The following LIN54 variants were observed in gnomAD, a reference collection of about 807,000 sequenced individuals.
LIN54 encodes protein lin-54 homolog.
In LIN54, 9 loss-of-function variants were observed where a neutral mutation model predicts 78.7. The observed-to-expected ratio is 0.11, with a 90% CI of 0.07 to 0.20. The LOEUF is 0.20. LIN54 is among the 10% of genes least tolerant of loss of function. LIN54 has a pLI of 1.00. For synonymous variants in LIN54, 269 were observed against 318.4 expected (o/e 0.84, Z 1.65); for missense variants, 573 against 889.9 (o/e 0.64, Z 4.53).
intron 4 of LIN54, among the ~76,000 whole-genome samples, chr4:82,954,374 T>G (rs920612240): frequency 3.3e-5 from 5 of 151,326 alleles, no homozygotes; most frequent in Non-Finnish European, 7.4e-5. Context: ...TATGAATAAT[T>G]TTTAAAAATA....
At chr4:83,011,294 C>G (rs1325981516), upstream of LIN54, among the ~76,000 whole-genome samples, 1 of 152,220 alleles carries the variant, frequency 6.6e-6, no homozygotes, top group Non-Finnish European at 1.5e-5. Flanking sequence ...CGACCTTTGA[C>G]ACCTTTGTCA....
At chr4:82,935,508 G>A (rs6848366) in intron 11 of LIN54, among the ~76,000 whole-genome samples, 79,867 of 151,178 alleles carry the variant, frequency 0.53, 22,869 homozygotes, top group East Asian at 0.78. Flanking sequence ...GGCAGGTCTC[G>A]AACTCCTGAC....
At chr4:82,962,665 A>G (rs978470621) in intron 4 of LIN54, among the ~76,000 whole-genome samples, 1 of 151,948 alleles carries the variant, frequency 6.6e-6, no homozygotes, top group Non-Finnish European at 1.5e-5. Context: ...CCAAATGAAA[A>G]TGCTAGAAAT....
rs994537385 is a variant in LIN54, at chr4:82,927,148, C to G, written c.*954G>C. 1.6e-5 allele frequency: 1 copy of G among 62,490 alleles called. No homozygotes were observed. The highest frequency in any genetic ancestry group is 3.3e-5 in the Non-Finnish European group (1 of 30,030). 3.9% of individuals were successfully genotyped at this position (62,490 alleles called of 1,614,324 possible). On this transcript the variant is annotated 3_prime_UTR_variant, in exon 13 of 13. Coordinates refer to ENST00000340417, the MANE Select transcript of LIN54 (RefSeq NM_194282.4). The stretch of plus-strand genomic sequence containing the variant: ...TGGGCTACACAGCGAGACTCCGTCT[C>G]AAAAAAAAAAAAAAAAAAGTCTGTA...
intron 4 of LIN54, among the ~76,000 whole-genome samples, chr4:82,954,710 A>G (rs944950101): frequency 7.2e-5 from 11 of 152,214 alleles, no homozygotes; most frequent in Non-Finnish European, 1.5e-4. Context: ...AAAACAGACC[A>G]CACCCAACAC....
Position 82,935,975 on chromosome 4 carries a change from T to C in LIN54, c.1845+6A>G, listed in dbSNP as rs1560719115. On this transcript the variant is annotated splice_donor_region_variant and intron_variant, in intron 11 of 12. Transcript: ENST00000340417. Reference sequence around the variant, plus strand: ...AAGATATTATTTTCCGCACCCAGCATCTCACCTCATAGCATTCACAGTAGT... The same window carrying C: ...AAGATATTATTTTCCGCACCCAGCACCTCACCTCATAGCATTCACAGTAGT... 3 of 1,613,736 alleles carry C rather than the reference T, an allele frequency of 1.9e-6. No homozygotes were observed. The highest frequency in any genetic ancestry group is 2.5e-6 in the Non-Finnish European group (3 of 1,179,634).
At chr4:82,951,538 G>A (rs906172826) in intron 4 of LIN54, among the ~76,000 whole-genome samples, 17 of 152,038 alleles carry the variant, frequency 1.1e-4, no homozygotes, top group African/African-American at 3.9e-4. Context: ...AAATAAAATA[G>A]TATGGGATTA....
In LIN54 at chr4:83,008,582, G is replaced by A. The variant is rs918874280; in HGVS notation, c.-33+1902C>T. ...CAGGAGAATGGCGTGAACCCAGGAC[G>A]CGGAGCTTGCAGGGAGCCAAGATCG... On this transcript the variant is annotated intron_variant, in intron 1 of 12. Coordinates refer to ENST00000340417, the MANE Select transcript of LIN54 (RefSeq NM_194282.4). Among the ~76,000 whole-genome samples, 14 of 152,328 alleles carry A rather than the reference G, an allele frequency of 9.2e-5. No individual in the cohort carries two copies. The East Asian group carries it at 1.2e-3, about 13-fold the overall frequency.
intron 3 of LIN54, among the ~76,000 whole-genome samples, chr4:82,977,151 T>G (rs1473007410): frequency 8.5e-5 from 13 of 152,160 alleles, no homozygotes; most frequent in Non-Finnish European, 1.0e-4. Flanking sequence ...CTCCTTCCCA[T>G]TAACTAAAAC....
At chr4:83,005,591 C>T (rs1371789664) in intron 1 of LIN54, among the ~76,000 whole-genome samples, 8 of 149,706 alleles carry the variant, frequency 5.3e-5, no homozygotes, top group African/African-American at 2.0e-4. Flanking sequence ...TGCCACTGCA[C>T]TCCAGCCTCA....
At chr4:82,988,915 G>A (rs1042141882) in intron 1 of LIN54, among the ~76,000 whole-genome samples, 10 of 151,962 alleles carry the variant, frequency 6.6e-5, no homozygotes, top group East Asian at 1.9e-4. Flanking sequence ...TTGGCCGGGC[G>A]CGGTGTCTTA....
At chr4:82,967,676 G>C (rs377317494) in intron 4 of LIN54, among the ~76,000 whole-genome samples, 1 of 152,162 alleles carries the variant, frequency 6.6e-6, no homozygotes. Flanking sequence ...CAGGGAACTT[G>C]GCAATGTGGC....
intron 4 of LIN54, among the ~76,000 whole-genome samples, chr4:82,952,815 A>G (rs1723950138): frequency 6.6e-6 from 1 of 152,214 alleles, no homozygotes; most frequent in Admixed American, 6.5e-5. Context: ...TATATGCTAT[A>G]ACACCAATGG....
intron 4 of LIN54, among the ~76,000 whole-genome samples, chr4:82,968,010 T>TAA (rs1725348130): frequency 6.6e-6 from 1 of 152,108 alleles, no homozygotes; most frequent in Non-Finnish European, 1.5e-5. Flanking sequence ...CCTGTGAATT[T>TAA]TAATAACCAA....
intron 1 of LIN54, among the ~76,000 whole-genome samples, chr4:82,999,073 T>A (rs1728510549): frequency 6.6e-6 from 1 of 152,212 alleles, no homozygotes; most frequent in African/African-American, 2.4e-5. Context: ...TGAGCTCAAG[T>A]GTTGCCACTA....
At position 82,984,333 on chromosome 4, in the gene LIN54, G is replaced by A; in HGVS notation, c.512C>T (p.Ala171Val). 1 of 1,614,126 alleles carries A rather than the reference G, an allele frequency of 6.2e-7. No individual in the cohort carries two copies. Among genetic ancestry groups the A allele is most frequent in the Non-Finnish European group, 8.5e-7 (1 of 1,180,020 alleles). The change falls in exon 2 of 13, where the codon GCC becomes GTC. Residue 171 changes from alanine to valine, a missense_variant. Around this residue, in one of 6 missense-constraint regions of LIN54, gnomAD observed 183 missense variants for 228.4 expected, o/e 0.80. Coordinates refer to ENST00000340417, the MANE Select transcript of LIN54 (RefSeq NM_194282.4). Reference protein sequence around the residue: ...LPQAQKVTTQAQSGDAKLPPQ... With the variant: ...LPQAQKVTTQVQSGDAKLPPQ... ...TGGTAACTTAGCATCTCCTGACTGG[G>A]CCTGAGTTGTAACTTTCTGAGCCTG...
intron 6 of LIN54, 57 bp from the exon 7 acceptor site, chr4:82,939,793 T>C: frequency 6.3e-7 from 1 of 1,591,900 alleles, no homozygotes; most frequent in Non-Finnish European, 8.6e-7. Flanking sequence ...GCTGTTCAAT[T>C]CAGTATAAAT....
chr4:82,974,165 G>A (rs560718041), intron 3 of LIN54, among the ~76,000 whole-genome samples: 80 of 151,398 alleles, frequency 5.3e-4, no homozygotes, highest in African/African-American at 1.8e-3. Context: ...AGCCGAGATC[G>A]CACCACTGCA....
chr4:82,939,818 T>A, intron 6 of LIN54, 71 bp downstream of exon 6: 1 of 1,584,730 alleles, frequency 6.3e-7, no homozygotes. Flanking sequence ...TGCACCTAAA[T>A]CTTAACTTTC....
Sources: allele counts gnomAD v4.1 joint callset (sites outside exome capture counted in the v4.1 genomes callset), GRCh38; gene constraint gnomAD v4.1.1; regional missense constraint gnomAD v4.1.1; transcripts MANE v1.5; gene names NCBI Gene and HGNC (gene_info 2026-07-23, HGNC 2026-07-21).